Variants in UBE2H observed in about 807,000 individuals in gnomAD.
UBE2H encodes the protein ubiquitin-conjugating enzyme E2 H.
Under a neutral mutation model 29.0 loss-of-function variants are expected in UBE2H, and 3 were observed. The observed-to-expected ratio is 0.10, with a 90% confidence interval of 0.05 to 0.27. The LOEUF (loss-of-function observed/expected upper bound fraction) is 0.27. Among genes scored for constraint, UBE2H ranks in the 10% least tolerant of loss-of-function variants. UBE2H has a pLI of 1.00. For synonymous variants in UBE2H, 69 were observed against 82.9 expected, an observed-to-expected ratio of 0.83 and a Z score of 0.91; for missense variants, 68 against 228.2, an observed-to-expected ratio of 0.30 and a Z score of 4.52.
At position 129,884,416 on chromosome 7, in the gene UBE2H, CA is replaced by C. The variant is rs769298737; in HGVS notation, c.54-3446del. The stretch of plus-strand genomic sequence containing the variant: ...TGGGCGACAGAGCAAGACTCCATCT[CA>C]AAAAAAAAAAAAAAAAATTTCTCTA... On this transcript the variant is annotated intron_variant, in intron 1 of 6. Coordinates refer to ENST00000355621, the MANE Select transcript of UBE2H (RefSeq NM_003344.4). Among the ~76,000 whole-genome samples, 630 of 82,406 alleles carry C rather than the reference CA, an allele frequency of 7.6e-3. 2 individuals carry two copies. Among genetic ancestry groups the C allele is most frequent in the African/African-American group, 0.024 (418 of 17,450 alleles). 54.1% of individuals were successfully genotyped at this position (82,406 alleles called of 152,430 possible). A position where few individuals can be genotyped will look rare whatever the true frequency, so the allele number is the denominator to read the frequency against.
intron 5 of UBE2H, among the ~76,000 whole-genome samples, chr7:129,854,068 T>TTTTTTTTTTATTTTTA (rs1554430951): frequency 6.7e-6 from 1 of 148,706 alleles, no homozygotes; most frequent in Non-Finnish European, 1.5e-5. Flanking sequence ...TAGTTTTTTT[T>TTTTTTTTTTATTTTTA]TTTTTTTTTT....
chr7:129,862,163 C>T (rs924756195), intron 3 of UBE2H, among the ~76,000 whole-genome samples: 2 of 152,124 alleles, frequency 1.3e-5, no homozygotes, highest in Non-Finnish European at 1.5e-5. Context: ...GAGTGGGGAA[C>T]AATGCTGAGC....
chr7:129,877,962 T>G (rs1437667053), intron 3 of UBE2H, among the ~76,000 whole-genome samples: 1 of 152,220 alleles, frequency 6.6e-6, no homozygotes, highest in Non-Finnish European at 1.5e-5. Flanking sequence ...ATGCCAGTTT[T>G]TAGCCTTTAG....
At chr7:129,897,465 C>T (rs1464811901) in intron 1 of UBE2H, among the ~76,000 whole-genome samples, 1 of 152,044 alleles carries the variant, frequency 6.6e-6, no homozygotes, top group East Asian at 1.9e-4. Flanking sequence ...TTAAGTGGCA[C>T]TAATATCAAT....
At chr7:129,913,904 C>T (rs558832240) in intron 1 of UBE2H, among the ~76,000 whole-genome samples, 2 of 152,244 alleles carry the variant, frequency 1.3e-5, no homozygotes, top group South Asian at 4.1e-4. Flanking sequence ...AACTACGACC[C>T]CATACTTTTG....
chr7:129,944,433 C>T (rs535216839), intron 1 of UBE2H, among the ~76,000 whole-genome samples: 174 of 151,974 alleles, frequency 1.1e-3, no homozygotes, highest in African/African-American at 4.0e-3. Context: ...AAATATGGAC[C>T]ATCATCAGTA....
chr7:129,934,022 C>T (rs925443101), intron 1 of UBE2H, among the ~76,000 whole-genome samples: 1 of 152,120 alleles, frequency 6.6e-6, no homozygotes, highest in Non-Finnish European at 1.5e-5. Context: ...ATGAAAAGTA[C>T]ATTATAGAGC....
At chr7:129,893,389 CAT>C (rs1806540115) in intron 1 of UBE2H, among the ~76,000 whole-genome samples, 1 of 152,084 alleles carries the variant, frequency 6.6e-6, no homozygotes, top group Admixed American at 6.6e-5. Context: ...AATTAAGACT[CAT>C]AGAAACATTT....
At chr7:129,938,706 C>CA (rs566095922) in intron 1 of UBE2H, among the ~76,000 whole-genome samples, 7,763 of 124,556 alleles carry the variant, frequency 0.062, 222 homozygotes, top group South Asian at 0.15. Flanking sequence ...AACTTCGTCT[C>CA]AAAAAAAAAA....
chr7:129,929,187 C>T (rs550751468), intron 1 of UBE2H, among the ~76,000 whole-genome samples: 149 of 152,256 alleles, frequency 9.8e-4, no homozygotes, highest in Non-Finnish European at 1.3e-3. Context: ...CGTGGTGGCA[C>T]ATGCCGGTAA....
chr7:129,881,862 C>T (rs960360198), intron 1 of UBE2H, among the ~76,000 whole-genome samples: 1 of 152,148 alleles, frequency 6.6e-6, no homozygotes, highest in Non-Finnish European at 1.5e-5. Context: ...AGAGTTCCCA[C>T]AATTGTCTCC....
Position 129,858,955 on chromosome 7 carries a change from T to A in UBE2H, c.206-14A>T, listed in dbSNP as rs763343124. On this transcript the variant is annotated splice_polypyrimidine_tract_variant and intron_variant, in intron 3 of 6. Coordinates refer to ENST00000355621, the MANE Select transcript of UBE2H (RefSeq NM_003344.4). ...TATTCATGAATCCTGTAAAAAGAGA[T>A]GTTAATTAGCAGCAAAAAGTATCCA... The A allele has an allele frequency of 3.1e-6, 5 of 1,607,030 alleles. No individual in the cohort carries two copies. In the South Asian group the frequency reaches 5.5e-5, roughly 18 times the overall value.
intron 1 of UBE2H, among the ~76,000 whole-genome samples, chr7:129,903,222 C>T (rs977439186): frequency 1.3e-5 from 2 of 152,210 alleles, no homozygotes; most frequent in African/African-American, 4.8e-5. Context: ...CTCAGCTGTG[C>T]TTATCCTTGA....
chr7:129,900,505 A>G (rs1182603833), intron 1 of UBE2H, among the ~76,000 whole-genome samples: 3 of 152,166 alleles, frequency 2.0e-5, no homozygotes, highest in African/African-American at 7.2e-5. Context: ...ACTTTCTCAC[A>G]TTGGAGTATC....
At chr7:129,884,261 C>CA (rs550575429) in intron 1 of UBE2H, among the ~76,000 whole-genome samples, 137 of 151,180 alleles carry the variant, frequency 9.1e-4, no homozygotes, top group African/African-American at 3.2e-3. Context: ...ACTAAAAATA[C>CA]AAAAAATTAG....
rs753305853 is a variant in UBE2H, at chr7:129,855,418, AT to A, written c.298+2092del. ...TATTCCAGGCAGCCTGCCATGAGAC[AT>A]TTTTACCAAAAAAACCATCTTAAAA... is the stretch of plus-strand genomic sequence containing the variant. On this transcript the variant is annotated intron_variant, in intron 5 of 6. Transcript: ENST00000355621. 3.0e-4 allele frequency among the ~76,000 whole-genome samples: 45 copies of A among 152,328 alleles called. 1 individual carries two copies. Among genetic ancestry groups the A allele is most frequent in the Middle Eastern group, 3.4e-3 (1 of 294 alleles).
intron 3 of UBE2H, among the ~76,000 whole-genome samples, chr7:129,861,117 C>G (rs1207008447): frequency 6.6e-6 from 1 of 151,520 alleles, no homozygotes; most frequent in African/African-American, 2.4e-5. Context: ...CCCAGCTACT[C>G]GGGAGACCGA....
In UBE2H at chr7:129,865,950, G is replaced by A. The variant is rs140906595; in HGVS notation, c.206-7009C>T. On this transcript the variant is annotated intron_variant, in intron 3 of 6. Transcript: ENST00000355621. ...GGGTGTTCCAATTGAGTAAGGGTGG[G>A]GGGGTGCTGCCAGCTCCACTAGTGA... Among the ~76,000 whole-genome samples, 86 of 152,282 alleles carry A rather than the reference G, an allele frequency of 5.6e-4. 1 individual carries two copies. The highest frequency in any genetic ancestry group is 1.9e-3 in the South Asian group (9 of 4,822).
intron 1 of UBE2H, among the ~76,000 whole-genome samples, chr7:129,922,317 G>T (rs555001103): frequency 4.6e-4 from 66 of 142,332 alleles, no homozygotes; most frequent in African/African-American, 1.6e-3. Flanking sequence ...ATGGAGTCTT[G>T]CTCTGGCACC....
Sources: gnomAD v4.1 joint callset for allele counts (sites outside exome capture counted in the v4.1 genomes callset) on GRCh38, gnomAD v4.1.1 for gene constraint, MANE v1.5 for transcripts, NCBI Gene and HGNC (gene_info 2026-07-23, HGNC 2026-07-21) for gene names.